The following PRKN variants were observed in gnomAD, a reference collection of about 807,000 sequenced individuals.
PRKN encodes E3 ubiquitin-protein ligase parkin.
A neutral mutation model predicts 59.5 loss-of-function variants in PRKN; 56 were observed. The observed-to-expected ratio is 0.94, with a 90% confidence interval of 0.76 to 1.18. The LOEUF (loss-of-function observed/expected upper bound fraction) is 1.18. Among genes scored for constraint, PRKN ranks in the 50% most tolerant of loss-of-function variants. PRKN has a pLI of 0.00. For synonymous variants in PRKN, 250 were observed against 222.1 expected (o/e 1.13, Z -1.12); for missense variants, 657 against 596.4 (o/e 1.10, Z -1.06).
At chr6:162,081,610 T>C (rs973577955) in intron 4 of PRKN, among the ~76,000 whole-genome samples, 4 of 152,124 alleles carry the variant, frequency 2.6e-5, no homozygotes, top group African/African-American at 4.8e-5. Context: ...GTTCCATTTA[T>C]AGAGCACAGG....
At chr6:162,049,911 T>A (rs1377859997) in intron 5 of PRKN, among the ~76,000 whole-genome samples, 1 of 152,148 alleles carries the variant, frequency 6.6e-6, no homozygotes, top group Non-Finnish European at 1.5e-5. Context: ...AGCCCTCAAC[T>A]CCACAGAGAG....
intron 6 of PRKN, among the ~76,000 whole-genome samples, chr6:161,901,900 C>G (rs1366636474): frequency 2.0e-5 from 3 of 152,112 alleles, no homozygotes; most frequent in African/African-American, 7.2e-5. Context: ...GCTTGGGCTG[C>G]GAGGTGCAAG....
At chr6:162,648,088 A>G (rs886959977) in intron 1 of PRKN, among the ~76,000 whole-genome samples, 1 of 152,054 alleles carries the variant, frequency 6.6e-6, no homozygotes, top group African/African-American at 2.4e-5. Flanking sequence ...ATCAACAAAT[A>G]TCTGAGGAAA....
chr6:162,699,906 A>T (rs1299361909), intron 1 of PRKN, among the ~76,000 whole-genome samples: 3 of 152,204 alleles, frequency 2.0e-5, no homozygotes, highest in African/African-American at 7.2e-5. Flanking sequence ...TTAACAAGAG[A>T]AAATTAAAAC....
intron 6 of PRKN, among the ~76,000 whole-genome samples, chr6:161,847,297 ACT>A (rs1468220632): frequency 6.6e-6 from 1 of 151,778 alleles, no homozygotes; most frequent in Non-Finnish European, 1.5e-5. Flanking sequence ...ACAGAGCAAG[ACT>A]CTGTCTAAAA....
rs190155751 is a variant in PRKN, at chr6:162,216,365, C to T, written c.413-15113G>A. 6.5e-3 allele frequency among the ~76,000 whole-genome samples: 988 copies of T among 150,982 alleles called. 10 individuals carry two copies. The highest frequency in any genetic ancestry group is 0.023 in the African/African-American group (927 of 41,102). ...CTAACAAGGTGAAACCCCGTCTCTA[C>T]TAAAAATACAAAAAATTAGCCGGGC... On this transcript the variant is annotated intron_variant, in intron 3 of 11. Transcript: ENST00000366898.
At chr6:161,969,930 T>G (rs1270127399) in intron 6 of PRKN, among the ~76,000 whole-genome samples, 2 of 152,220 alleles carry the variant, frequency 1.3e-5, no homozygotes, top group Admixed American at 6.5e-5. Flanking sequence ...ACAAGGACTC[T>G]GTTTTTAGCT....
chr6:162,141,189 A>C (rs1255301584), intron 4 of PRKN, among the ~76,000 whole-genome samples: 14 of 152,128 alleles, frequency 9.2e-5, no homozygotes, highest in Admixed American at 7.9e-4. Flanking sequence ...TGATATAGTG[A>C]CTATTCAGAA....
chr6:161,508,186 A>G (rs755724757), intron 9 of PRKN, among the ~76,000 whole-genome samples: 11 of 152,206 alleles, frequency 7.2e-5, no homozygotes, highest in Non-Finnish European at 1.6e-4. Context: ...TGTTAATTCA[A>G]TAGCAAAAAA....
chr6:161,986,991 A>C (rs1781458367), intron 5 of PRKN, among the ~76,000 whole-genome samples: 1 of 152,194 alleles, frequency 6.6e-6, no homozygotes. Flanking sequence ...TTGGAATCTA[A>C]ACTTTTTTCG....
In PRKN at chr6:161,417,015, G is replaced by A. The variant is rs1787882084; in HGVS notation, c.1084-30138C>T. Among the ~76,000 whole-genome samples, 1 of 152,170 alleles carries A rather than the reference G, an allele frequency of 6.6e-6. No individual in the cohort carries two copies. On this transcript the variant is annotated intron_variant, in intron 9 of 11. Coordinates refer to ENST00000366898, the MANE Select transcript of PRKN (RefSeq NM_004562.3). This position sits in a 1 kb window ranked among gnomAD's most constrained non-coding sequence, Gnocchi z 5.4. ...GAGGAAAGAACTCTGGAGGGAGATGGGGCCGAGGAAGGAGTAGGAGGTGTG... is the reference window on the plus strand; with the variant it reads ...GAGGAAAGAACTCTGGAGGGAGATGAGGCCGAGGAAGGAGTAGGAGGTGTG...
chr6:161,689,831 T>C (rs2013459), intron 7 of PRKN, among the ~76,000 whole-genome samples: 132,555 of 151,952 alleles, frequency 0.87, 58,047 homozygotes, highest in African/African-American at 0.94. Flanking sequence ...CTACCTCAAC[T>C]GCCCAAGTAG....
rs192206309 is a variant in PRKN at position 162,398,493 on chromosome 6, C to T, written c.171+44817G>A. On this transcript the variant is annotated intron_variant, in intron 2 of 11. Transcript: ENST00000366898. ...GAAACCTCTGCCTCCTGGGTGCAAG[C>T]GATTCTCCTGCCTCAGCCTCCCAAG... Among the ~76,000 whole-genome samples, 1,016 of 152,036 alleles carry T rather than the reference C, an allele frequency of 6.7e-3. 8 individuals carry two copies. The highest frequency in any genetic ancestry group is 0.014 in the Middle Eastern group (4 of 294).
At chr6:162,677,267 A>G (rs950310703) in intron 1 of PRKN, among the ~76,000 whole-genome samples, 2 of 151,926 alleles carry the variant, frequency 1.3e-5, no homozygotes, top group African/African-American at 4.8e-5. Context: ...GACGACAGGT[A>G]AAAAGGATTA....
At chr6:161,916,865 C>G (rs180986660) in intron 6 of PRKN, among the ~76,000 whole-genome samples, 1 of 152,164 alleles carries the variant, frequency 6.6e-6, no homozygotes, top group Non-Finnish European at 1.5e-5. Context: ...GTGGCGCGAC[C>G]TCGGTTCACT....
rs1366116672 is a variant in PRKN at position 161,419,323 on chromosome 6, A to G, written c.1084-32446T>C. On this transcript the variant is annotated intron_variant, in intron 9 of 11. Coordinates refer to ENST00000366898, the MANE Select transcript of PRKN (RefSeq NM_004562.3). The surrounding 1 kb of genome is among the most constrained non-coding windows in gnomAD (Gnocchi z 4.1). Reference sequence around the variant, plus strand: ...AGTGACCAACTAGCAGTCAACCAGGAGATTTTTGGCCCTAGAACCTGAGGT... The same window carrying G: ...AGTGACCAACTAGCAGTCAACCAGGGGATTTTTGGCCCTAGAACCTGAGGT... Among the ~76,000 whole-genome samples the G allele has an allele frequency of 6.6e-6, 1 of 152,078 alleles. No individual in the cohort carries two copies. The highest frequency in any genetic ancestry group is 1.5e-5 in the Non-Finnish European group (1 of 68,020).
chr6:161,694,885 C>T (rs986751732), intron 7 of PRKN, among the ~76,000 whole-genome samples: 5 of 152,116 alleles, frequency 3.3e-5, no homozygotes, highest in African/African-American at 7.2e-5. Context: ...TTAGAAGTCC[C>T]GAACTGTGGC....
At chr6:162,212,584 T>TC (rs1488800373) in intron 3 of PRKN, among the ~76,000 whole-genome samples, 1 of 152,212 alleles carries the variant, frequency 6.6e-6, no homozygotes, top group Non-Finnish European at 1.5e-5. Flanking sequence ...CGGCATGTAT[T>TC]CTTCATTGCC....
At chr6:162,282,690 G>T (rs974342263) in intron 2 of PRKN, among the ~76,000 whole-genome samples, 11 of 152,154 alleles carry the variant, frequency 7.2e-5, no homozygotes, top group African/African-American at 2.7e-4. Flanking sequence ...AAAGAAGGCG[G>T]TCTATTTTTT....
Sources: allele counts gnomAD v4.1 joint callset (sites outside exome capture counted in the v4.1 genomes callset), GRCh38; gene constraint gnomAD v4.1.1; non-coding constraint Gnocchi (gnomAD v3.1); transcripts MANE v1.5; gene names NCBI Gene and HGNC (gene_info 2026-07-23, HGNC 2026-07-21).